The following TMEM71 variants were observed in gnomAD, a reference collection of about 807,000 sequenced individuals.
The protein encoded by TMEM71 is transmembrane protein 71.
A neutral mutation model predicts 38.0 loss-of-function variants in TMEM71; 44 were observed. The observed-to-expected ratio is 1.16, with a 90% CI of 0.91 to 1.49. The LOEUF (loss-of-function observed/expected upper bound fraction) is 1.49. TMEM71 is among the 40% of genes most tolerant of loss of function. TMEM71 has a pLI of 0.00. For synonymous variants in TMEM71, 133 were observed against 122.5 expected (o/e 1.09, Z -0.56); for missense variants, 367 against 348.6 (o/e 1.05, Z -0.42).
intron 3 of TMEM71, among the ~76,000 whole-genome samples, chr8:132,756,246 C>T (rs2472227): frequency 6.6e-6 from 1 of 150,982 alleles, no homozygotes; most frequent in African/African-American, 2.4e-5. Context: ...GCATAAAATT[C>T]GGCCATTGGT....
At chr8:132,775,533 C>G in the TMEM71 span, 1 of 372,574 alleles carries the variant, frequency 2.7e-6, no homozygotes, top group Non-Finnish European at 4.8e-6. Context: ...CCTGCTCCCT[C>G]CCCGGCCGCT....
rs574507749 is a variant in TMEM71 at position 132,735,427 on chromosome 8, A to G, written c.488-7441T>C. 9.8e-5 allele frequency among the ~76,000 whole-genome samples: 15 copies of G among 152,370 alleles called. No individual in the cohort carries two copies. In the South Asian group the frequency reaches 1.0e-3, roughly 11 times the overall value. On this transcript the variant is annotated intron_variant, in intron 5 of 9. Coordinates refer to ENST00000677595, the MANE Select transcript of TMEM71 (RefSeq NM_001382403.1). ...GAGTCTTCTAACTAGGCATTTCCAG[A>G]GAAAAATAAATTGCTGATAAAAGTC...
At chr8:132,749,340 T>G (rs970332969) in intron 4 of TMEM71, among the ~76,000 whole-genome samples, 1 of 152,216 alleles carries the variant, frequency 6.6e-6, no homozygotes, top group Admixed American at 6.5e-5. Context: ...TTTTAGGAAG[T>G]AGATTCATTT....
At chr8:132,747,985 A>C (rs1040275478) in intron 4 of TMEM71, among the ~76,000 whole-genome samples, 3 of 152,158 alleles carry the variant, frequency 2.0e-5, no homozygotes, top group Non-Finnish European at 4.4e-5. Flanking sequence ...TACAAGATTG[A>C]GGTCAGAGGG....
At chr8:132,711,909 T>A (rs772161110) in intron 9 of TMEM71, among the ~76,000 whole-genome samples, 2 of 152,118 alleles carry the variant, frequency 1.3e-5, no homozygotes, top group Non-Finnish European at 2.9e-5. Context: ...TCATTGATTG[T>A]TAGAGGAGAC....
chr8:132,727,657 T>C (rs1827220733), intron 6 of TMEM71, 141 bp downstream of exon 6: 1 of 657,686 alleles, frequency 1.5e-6, no homozygotes, highest in Non-Finnish European at 2.5e-6. Context: ...ACCTGGGCTT[T>C]GGCAGAGGCC....
rs897607097 is a variant in TMEM71 at position 132,758,875 on chromosome 8, T to C, written c.5A>G (p.Tyr2Cys). The stretch of plus-strand genomic sequence containing the variant: ...TGTTGACATCAGTTGAGATATTCGG[T>C]ACATCTTGGGAAGGCCGCTTGCTCA... MYRISQLMSTPV... is the reference protein window; with the variant it reads MCRISQLMSTPV... Residue 2 changes from tyrosine to cysteine, a missense_variant, in exon 2 of 10, where the codon TAC becomes TGC. By Grantham distance (194) the Tyr-to-Cys change is radical. Transcript: ENST00000677595. The C allele has an allele frequency of 1.2e-6, 2 of 1,613,738 alleles. No individual in the cohort carries two copies. The highest frequency in any genetic ancestry group is 1.3e-5 in the African/African-American group (1 of 74,900).
chr8:132,739,872 A>T (rs149589564), intron 5 of TMEM71, among the ~76,000 whole-genome samples: 1 of 152,118 alleles, frequency 6.6e-6, no homozygotes, highest in Non-Finnish European at 1.5e-5. Flanking sequence ...TACCTGTAAG[A>T]CGAATCTGGA....
chr8:132,774,218 T>C, the TMEM71 span, among the ~76,000 whole-genome samples: 2 of 152,266 alleles, frequency 1.3e-5, no homozygotes, highest in Non-Finnish European at 2.9e-5. Context: ...GTATTTGGTG[T>C]TCTGAACTAA....
At chr8:132,752,877 A>AAGGAAGGG in intron 3 of TMEM71, among the ~76,000 whole-genome samples, 1 of 148,966 alleles carries the variant, frequency 6.7e-6, no homozygotes, top group South Asian at 2.1e-4. Context: ...GGAAGGAAGG[A>AAGGAAGGG]AGGAAGGAAG....
chr8:132,747,150 A>G (rs1419492450), intron 4 of TMEM71, 36 bp from the exon 5 acceptor site: 1 of 1,513,002 alleles, frequency 6.6e-7, no homozygotes. Context: ...ACAACGAATA[A>G]TAGTTACCTT....
At chr8:132,724,586 A>G (rs1827032607) in intron 6 of TMEM71, among the ~76,000 whole-genome samples, 1 of 152,082 alleles carries the variant, frequency 6.6e-6, no homozygotes. Context: ...AGGTGCACTG[A>G]TTTCATATTG....
At chr8:132,731,841 C>T (rs902838726) in intron 5 of TMEM71, among the ~76,000 whole-genome samples, 2 of 152,160 alleles carry the variant, frequency 1.3e-5, no homozygotes, top group Admixed American at 6.5e-5. Context: ...CTTTCTCTGC[C>T]TTGATTGCTG....
the TMEM71 span, among the ~76,000 whole-genome samples, chr8:132,770,606 G>A: frequency 6.6e-6 from 1 of 152,178 alleles, no homozygotes; most frequent in Non-Finnish European, 1.5e-5. Flanking sequence ...TTAAGAAGTA[G>A]AGTGAAAGAT....
At chr8:132,767,032 G>C in the TMEM71 span, among the ~76,000 whole-genome samples, 2 of 152,054 alleles carry the variant, frequency 1.3e-5, no homozygotes, top group Non-Finnish European at 1.5e-5. Context: ...AGAGTAATGG[G>C]GCTATTCTGA....
chr8:132,732,566 T>A (rs955496272), intron 5 of TMEM71, among the ~76,000 whole-genome samples: 1 of 151,906 alleles, frequency 6.6e-6, no homozygotes, highest in African/African-American at 2.4e-5. Context: ...TGATTTAGAG[T>A]CATTAAAAAA....
intron 5 of TMEM71, among the ~76,000 whole-genome samples, chr8:132,732,066 A>G (rs1391207567): frequency 6.6e-6 from 1 of 152,202 alleles, no homozygotes; most frequent in Non-Finnish European, 1.5e-5. Context: ...ATATACTGCA[A>G]ATGCTGCTCT....
rs770837897 is a variant in TMEM71, at chr8:132,757,311, G to T, written c.41-17C>A. ...TGGAAGAACCTGCATAAACAAATGAGAGAGAAGTAGAATGTATCATACCTG... is the reference window on the plus strand; with the variant it reads ...TGGAAGAACCTGCATAAACAAATGATAGAGAAGTAGAATGTATCATACCTG... On this transcript the variant is annotated splice_polypyrimidine_tract_variant and intron_variant, in intron 2 of 9. Transcript: ENST00000677595. 1 of 1,501,664 alleles carries T rather than the reference G, an allele frequency of 6.7e-7. No individual in the cohort carries two copies. Among genetic ancestry groups the T allele is most frequent in the Non-Finnish European group, 9.0e-7 (1 of 1,111,380 alleles). 93.0% of individuals were successfully genotyped at this position (1,501,664 alleles called of 1,614,324 possible).
the TMEM71 span, chr8:132,775,425 G>T: frequency 2.6e-6 from 1 of 385,868 alleles, no homozygotes; most frequent in Non-Finnish European, 4.5e-6. Flanking sequence ...CGGCGGCGGC[G>T]ATGGCAGCGG....
Sources: allele counts gnomAD v4.1 joint callset (sites outside exome capture counted in the v4.1 genomes callset), GRCh38; gene constraint gnomAD v4.1.1; transcripts MANE v1.5; gene names NCBI Gene and HGNC (gene_info 2026-07-23, HGNC 2026-07-21).